Variants in TPR observed in about 807,000 individuals in gnomAD.
TPR encodes nucleoprotein TPR.
TPR carries 51 observed loss-of-function variants against 316.1 expected under a neutral mutation model. The observed-to-expected ratio is 0.16, with a 90% CI of 0.13 to 0.20. TPR has a LOEUF of 0.20. TPR is among the 10% of genes least tolerant of loss of function. The probability of loss-of-function intolerance (pLI) is 1.00; values close to 1 mark genes in which losing one functional copy is unlikely to be tolerated. For synonymous variants in TPR, 981 were observed against 914.7 expected (o/e 1.07, Z -1.31); for missense variants, 2,272 against 2,754.8 (o/e 0.82, Z 3.92).
At chr1:186,339,615 T>C (rs200627029) in intron 30 of TPR, 27 bp downstream of exon 30, 3 of 1,495,272 alleles carry the variant, frequency 2.0e-6, no homozygotes, top group Non-Finnish European at 2.7e-6. Flanking sequence ...TTATATTATA[T>C]ATGATTTAAG....
chr1:186,350,444 C>A, intron 20 of TPR, 56 bp from the exon 21 acceptor site: 1 of 1,313,986 alleles, frequency 7.6e-7, no homozygotes, highest in Non-Finnish European at 1.0e-6. Flanking sequence ...ACTAAAGGTT[C>A]AAACTATCTT....
chr1:186,325,812 T>G lies in TPR; in HGVS notation c.6064A>C (p.Met2022Leu). ...TDPGTETEES[M>L]GGGEGNHRAA... ...CTGTGATTACCTTCACCTCCACCCA[T>G]ACTTTCTTCTGTTTCTGTACCTGGA... Residue 2022 changes from methionine (M) to leucine (L), a missense_variant, in exon 42 of 51, where the codon ATG becomes CTG. Coordinates refer to ENST00000367478, the MANE Select transcript of TPR (RefSeq NM_003292.3). 1 of 1,613,738 alleles carries G rather than the reference T, an allele frequency of 6.2e-7. No individual in the cohort carries two copies. Among genetic ancestry groups the G allele is most frequent in the East Asian group, 2.2e-5 (1 of 44,850 alleles).
At chr1:186,329,833 A>G (rs561186182) in intron 39 of TPR, among the ~76,000 whole-genome samples, 9 of 152,308 alleles carry the variant, frequency 5.9e-5, no homozygotes, top group African/African-American at 2.2e-4. Flanking sequence ...TTAATTTTAC[A>G]TGATAAAATA....
At chr1:186,368,723 A>G (rs1379963652) in intron 3 of TPR, among the ~76,000 whole-genome samples, 1 of 152,226 alleles carries the variant, frequency 6.6e-6, no homozygotes, top group African/African-American at 2.4e-5. Context: ...GTTGCCTTTT[A>G]ATATTCTTGT....
At chr1:186,350,763 A>C (rs1177254390) in intron 20 of TPR, among the ~76,000 whole-genome samples, 10 of 152,220 alleles carry the variant, frequency 6.6e-5, no homozygotes, top group African/African-American at 2.4e-4. Flanking sequence ...TTGCACACAC[A>C]GAGTACCCTG....
chr1:186,335,086 G>A lies in TPR; in HGVS notation c.4955C>T (p.Ala1652Val), dbSNP rs1658298940. The change falls in exon 35 of 51, where the codon GCT becomes GTT. Residue 1652 changes from alanine to valine, a missense_variant. Ala to Val is a moderately conservative substitution (Grantham distance 64). Coordinates refer to ENST00000367478, the MANE Select transcript of TPR (RefSeq NM_003292.3). ...QRQITLKTTPASGERGIASTS... is the reference protein window; with the variant it reads ...QRQITLKTTPVSGERGIASTS... Reference sequence around the variant, plus strand: ...AACTCACATTCCTCTTTCACCAGAAGCTGGAGTTGTTTTCAATGTGATCTG... The same window carrying A: ...AACTCACATTCCTCTTTCACCAGAAACTGGAGTTGTTTTCAATGTGATCTG... 6.2e-7 allele frequency: 1 copy of A among 1,612,780 alleles called. No homozygotes were observed. Among genetic ancestry groups the A allele is most frequent in the South Asian group, 1.1e-5 (1 of 90,990 alleles).
At position 186,320,165 on chromosome 1, in the gene TPR, T is replaced by C. The variant is rs148531203; in HGVS notation, c.6568+147A>G. 1.2e-4 allele frequency: 78 copies of C among 669,650 alleles called. 1 individual carries two copies. In the East Asian group the frequency reaches 2.1e-3, roughly 18 times the overall value. The allele number at this position is 669,650 out of a possible 1,614,324, so 41.5% of individuals were successfully genotyped here. On this transcript the variant is annotated intron_variant, in intron 46 of 50. Coordinates refer to ENST00000367478, the MANE Select transcript of TPR (RefSeq NM_003292.3). ...GATGTAAGGCAGTGCTTAATAAGTA[T>C]ACTACAGCATTTAAAAAAATAAATT...
intron 35 of TPR, among the ~76,000 whole-genome samples, chr1:186,334,847 TGA>T (rs1480749839): frequency 6.6e-6 from 1 of 152,140 alleles, no homozygotes; most frequent in Admixed American, 6.5e-5. Context: ...AACTAAAAGA[TGA>T]GAGACGTTTT....
chr1:186,315,580 G>A (rs1183106024), intron 49 of TPR, among the ~76,000 whole-genome samples: 1 of 151,764 alleles, frequency 6.6e-6, no homozygotes, highest in Non-Finnish European at 1.5e-5. Context: ...AAAGTTTCTC[G>A]TTTCTGTCCA....
intron 46 of TPR, among the ~76,000 whole-genome samples, chr1:186,319,722 C>T (rs939070537): frequency 6.6e-5 from 10 of 152,038 alleles, no homozygotes; most frequent in African/African-American, 1.7e-4. Flanking sequence ...CAGACAGCTT[C>T]CCAGAAATAA....
At chr1:186,322,174 T>A in intron 45 of TPR, 144 bp downstream of exon 45, 1 of 727,362 alleles carries the variant, frequency 1.4e-6, no homozygotes, top group Non-Finnish European at 2.2e-6. Context: ...CAATACATCC[T>A]CAACTGACCT....
intron 39 of TPR, among the ~76,000 whole-genome samples, chr1:186,328,865 A>T (rs1658074328): frequency 6.6e-6 from 1 of 152,196 alleles, no homozygotes; most frequent in African/African-American, 2.4e-5. Flanking sequence ...TATAATATTT[A>T]CTATCAAAAG....
At chr1:186,358,394 C>A in intron 13 of TPR, 149 bp downstream of exon 13, 1 of 500,836 alleles carries the variant, frequency 2.0e-6, no homozygotes, top group South Asian at 3.8e-5. Flanking sequence ...TGAAAAGAAA[C>A]AATGGGGGTG....
At chr1:186,322,816 C>A (rs1322313516) in intron 43 of TPR, 2 of 496,844 alleles carry the variant, frequency 4.0e-6, no homozygotes, top group Non-Finnish European at 7.3e-6. Context: ...ACCAACAGAC[C>A]AATTATTAAC....
At position 186,343,114 on chromosome 1, in the gene TPR, GA is replaced by G. The variant is rs1276899768; in HGVS notation, c.3750+211del. 77 of 454,580 alleles carry G rather than the reference GA, an allele frequency of 1.7e-4. 1 individual carries two copies. In the Admixed American group the frequency reaches 3.0e-3, roughly 18 times the overall value. The allele number at this position is 454,580 out of a possible 1,614,324, so 28.2% of individuals were successfully genotyped here. On this transcript the variant is annotated intron_variant, in intron 27 of 50. Coordinates refer to ENST00000367478, the MANE Select transcript of TPR (RefSeq NM_003292.3). ...TACCCAAGGCCACAGCTAATGGTAT[GA>G]AGCTAGAATCTGAAACCAGGCAGTT...
At chr1:186,374,189 T>G (rs76693685) in intron 1 of TPR, among the ~76,000 whole-genome samples, 6,888 of 152,266 alleles carry the variant, frequency 0.045, 514 homozygotes, top group African/African-American at 0.16. Flanking sequence ...AAGTTTGTAT[T>G]TTACTAATGG....
chr1:186,369,498 G>A (rs1659454954), intron 3 of TPR, among the ~76,000 whole-genome samples: 1 of 151,604 alleles, frequency 6.6e-6, no homozygotes, highest in South Asian at 2.1e-4. Context: ...GTTGTTTTTT[G>A]ATGGTACTCT....
At chr1:186,368,380 G>A (rs1168811052) in intron 3 of TPR, among the ~76,000 whole-genome samples, 1 of 152,178 alleles carries the variant, frequency 6.6e-6, no homozygotes, top group East Asian at 1.9e-4. Flanking sequence ...GGGAAATCAA[G>A]CTGGGCCGAT....
At chr1:186,372,827 A>C (rs1172036814) in intron 2 of TPR, among the ~76,000 whole-genome samples, 1 of 152,206 alleles carries the variant, frequency 6.6e-6, no homozygotes. Flanking sequence ...ATTAGCTATC[A>C]ATCTTTTATA....
Sources: allele counts gnomAD v4.1 joint callset (sites outside exome capture counted in the v4.1 genomes callset), GRCh38; gene constraint gnomAD v4.1.1; transcripts MANE v1.5; gene names NCBI Gene and HGNC (gene_info 2026-07-23, HGNC 2026-07-21).